PHLDB1: variants seen among roughly 807,000 people sequenced by gnomAD.
PHLDB1 encodes pleckstrin homology-like domain family B member 1.
Under a neutral mutation model 139.3 loss-of-function variants are expected in PHLDB1, and 65 were observed. That is an observed-to-expected ratio of 0.47 (90% CI 0.38 to 0.57). The LOEUF is 0.57. Among genes scored for constraint, PHLDB1 ranks in the 20% least tolerant of loss-of-function variants. PHLDB1 has a pLI of 0.00. For synonymous variants in PHLDB1, 679 were observed against 734.5 expected (o/e 0.92, Z 1.22); for missense variants, 1,624 against 1,839.7 (o/e 0.88, Z 2.14).
intron 5 of PHLDB1, chr11:118,627,048 T>G: frequency 3.8e-6 from 2 of 524,972 alleles, no homozygotes; most frequent in Non-Finnish European, 6.7e-6. Context: ...GTGCCTATCA[T>G]TGTTAACTGT....
chr11:118,645,375 G>A lies in PHLDB1; in HGVS notation c.3141G>A (p.Glu1047=). The change falls in exon 16 of 23, where the codon GAG becomes GAA. Residue 1047 remains glutamate, a synonymous_variant. Coordinates refer to ENST00000600882, the MANE Select transcript of PHLDB1 (RefSeq NM_001144758.3). The surrounding 1 kb of genome is among the most constrained non-coding windows in gnomAD (Gnocchi z 5.1). ...CTTCAGGACAACAAGTGATTGAAGA[G>A]CAGCGGCGGCGACTGGCTGAGCTGA... ...LQQKGQQVIE[E]QRRRLAELKQ... 1 of 1,519,938 alleles carries A rather than the reference G, an allele frequency of 6.6e-7. No individual in the cohort carries two copies. Among genetic ancestry groups the A allele is most frequent in the Non-Finnish European group, 8.8e-7 (1 of 1,133,988 alleles). 94.2% of individuals were successfully genotyped at this position (1,519,938 alleles called of 1,614,324 possible).
intron 17 of PHLDB1, chr11:118,647,163 G>C (rs1591745086): frequency 6.6e-6 from 1 of 152,274 alleles, no homozygotes; most frequent in African/African-American, 2.4e-5. Context: ...AATAGCAAAT[G>C]TTTCTAATTT....
At chr11:118,644,574 T>C in intron 15 of PHLDB1, 1 of 1,009,134 alleles carries the variant, frequency 9.9e-7, no homozygotes, top group Non-Finnish European at 1.3e-6. Context: ...TGAAAGCCCA[T>C]GTCTGTGCCT....
intron 4 of PHLDB1, chr11:118,624,525 T>C (rs1943458252): frequency 4.2e-6 from 1 of 235,694 alleles, no homozygotes; most frequent in South Asian, 4.9e-5. Context: ...AGCCTGCTAG[T>C]GCTGTGAGGT....
intron 5 of PHLDB1, among the ~76,000 whole-genome samples, chr11:118,625,642 T>G (rs1943727510): frequency 6.6e-6 from 1 of 152,190 alleles, no homozygotes; most frequent in Non-Finnish European, 1.5e-5. Context: ...ATTATGGGTT[T>G]ACCATCTCAG....
At chr11:118,639,138 G>C in intron 11 of PHLDB1, 24 bp from the exon 12 acceptor site, 2 of 1,611,068 alleles carry the variant, frequency 1.2e-6, no homozygotes, top group Non-Finnish European at 8.5e-7. Flanking sequence ...ACTCCTCTTT[G>C]ACTCTGCCAT....
At chr11:118,619,173 G>T (rs1270819498) in intron 4 of PHLDB1, among the ~76,000 whole-genome samples, 6 of 152,126 alleles carry the variant, frequency 3.9e-5, no homozygotes, top group Non-Finnish European at 8.8e-5. Flanking sequence ...AAAGATCTGG[G>T]AGGGAACCAA....
intron 10 of PHLDB1, among the ~76,000 whole-genome samples, chr11:118,636,463 C>G (rs1251532112): frequency 2.0e-5 from 3 of 152,130 alleles, no homozygotes; most frequent in Non-Finnish European, 2.9e-5. Flanking sequence ...AACGCACTTT[C>G]TGGATGTAAG....
chr11:118,650,517 C>T lies in PHLDB1; in HGVS notation c.3844C>T (p.Arg1282Trp), dbSNP rs782135174. ...SWKKRWFVFD[R>W]LKRTLSYYVD... is the part of the protein sequence containing the mutation. ...GAAGAAGCGCTGGTTTGTCTTCGACCGGCTCAAGCGCACCCTTTCCTATTA... is the reference window on the plus strand; with the variant it reads ...GAAGAAGCGCTGGTTTGTCTTCGACTGGCTCAAGCGCACCCTTTCCTATTA... Residue 1282 changes from arginine to tryptophan, a missense_variant, in exon 20 of 23, where the codon CGG becomes TGG. Physicochemically the swap from Arg to Trp is moderately radical, Grantham distance 101. Transcript: ENST00000600882. This position sits in a 1 kb window ranked among gnomAD's most constrained non-coding sequence, Gnocchi z 4.7. 9.3e-6 allele frequency: 15 copies of T among 1,613,794 alleles called. No individual in the cohort carries two copies. The highest frequency in any genetic ancestry group is 2.2e-5 in the South Asian group (2 of 91,084).
intron 12 of PHLDB1, chr11:118,639,978 A>G: frequency 2.0e-6 from 2 of 985,240 alleles, no homozygotes; most frequent in South Asian, 4.7e-5. Flanking sequence ...ACCTGCTTCC[A>G]CTCTTCTCTG....
Position 118,655,666 on chromosome 11 carries a change from C to T in PHLDB1, c.3936C>T (p.Tyr1312=), listed in dbSNP as rs781901332. ...IYFQAIEEVY[Y]DHLRSAAKKR... is the part of the protein sequence containing the mutation. ...TCCAGGCCATTGAGGAAGTGTACTA[C>T]GACCACCTGCGCAGTGCAGCCAAGG... Residue 1312 remains tyrosine (Y), a synonymous_variant, in exon 21 of 23, where the codon TAC becomes TAT. Coordinates refer to ENST00000600882, the MANE Select transcript of PHLDB1 (RefSeq NM_001144758.3). 3.0e-5 allele frequency: 49 copies of T among 1,612,504 alleles called. No homozygotes were observed. Among genetic ancestry groups the T allele is most frequent in the Non-Finnish European group, 3.7e-5 (44 of 1,178,810 alleles).
chr11:118,629,505 A>G (rs2136195004), intron 6 of PHLDB1, among the ~76,000 whole-genome samples: 1 of 152,362 alleles, frequency 6.6e-6, no homozygotes, highest in African/African-American at 2.4e-5. Context: ...CCTTACGAGC[A>G]GAACAGGGTT....
chr11:118,644,439 G>A (rs1015528005), intron 15 of PHLDB1: 2 of 513,356 alleles, frequency 3.9e-6, no homozygotes, highest in Non-Finnish European at 7.1e-6. Flanking sequence ...GTTGACCTGA[G>A]TCGGGTTAGA....
chr11:118,636,107 C>T lies in PHLDB1; in HGVS notation c.2535+559C>T, dbSNP rs1286261665. ...CCTGCTCTTGATCTCAGCCAGACCA[C>T]AGGATGGTGGCACAGGTGACTGTGT... On this transcript the variant is annotated intron_variant, in intron 10 of 22. Coordinates refer to ENST00000600882, the MANE Select transcript of PHLDB1 (RefSeq NM_001144758.3). 3.3e-5 allele frequency among the ~76,000 whole-genome samples: 5 copies of T among 152,154 alleles called. No homozygotes were observed. In the South Asian group the frequency reaches 8.3e-4, roughly 25 times the overall value.
At position 118,628,347 on chromosome 11, in the gene PHLDB1, G is replaced by T. The variant is rs367868843; in HGVS notation, c.1524G>T (p.Thr508=). ...HGASPEDFSL[T]LGARGRRTRS... is the part of the protein sequence containing the mutation. The stretch of plus-strand genomic sequence containing the variant: ...CTTCACCAGAGGACTTCTCCCTGAC[G>T]CTGGGGGCACGGGGCCGTAGGACAC... Residue 508 remains threonine (T), a synonymous_variant, in exon 6 of 23, where the codon ACG becomes ACT. Transcript: ENST00000600882. 1 of 1,612,092 alleles carries T rather than the reference G, an allele frequency of 6.2e-7. No individual in the cohort carries two copies. Among genetic ancestry groups the T allele is most frequent in the Non-Finnish European group, 8.5e-7 (1 of 1,179,204 alleles).
At chr11:118,614,436 C>A in intron 2 of PHLDB1, 123 bp from the exon 3 acceptor site, 1 of 1,044,850 alleles carries the variant, frequency 9.6e-7, no homozygotes, top group Non-Finnish European at 1.4e-6. Context: ...TGTGCTAAGC[C>A]TTTCAGCACC....
In PHLDB1 at chr11:118,631,195, C is replaced by T. The variant is rs1565444145; in HGVS notation, c.1828-12C>T. On this transcript the variant is annotated splice_polypyrimidine_tract_variant and intron_variant, in intron 6 of 22. Transcript: ENST00000600882. ...CCTCCCCTTCATGTCCTGCTCTGTC[C>T]ATCCTCCCCAGGAACGCCAGCGCCT... is the stretch of plus-strand genomic sequence containing the variant. The T allele has an allele frequency of 7.0e-7, 1 of 1,420,360 alleles. No individual in the cohort carries two copies. The highest frequency in any genetic ancestry group is 9.2e-7 in the Non-Finnish European group (1 of 1,082,656). The allele number at this position is 1,420,360 out of a possible 1,614,324, so 88.0% of individuals were successfully genotyped here.
chr11:118,622,954 G>C (rs552996247), intron 4 of PHLDB1, among the ~76,000 whole-genome samples: 1 of 152,246 alleles, frequency 6.6e-6, no homozygotes, highest in East Asian at 1.9e-4. Context: ...TGTATGCCAG[G>C]ATAGTGAGTG....
intron 5 of PHLDB1, 104 bp downstream of exon 5, chr11:118,625,163 C>A: frequency 7.3e-7 from 1 of 1,363,838 alleles, no homozygotes; most frequent in Non-Finnish European, 9.8e-7. Context: ...AAGACAATAC[C>A]TAAGGTCTGG....
Sources: allele counts gnomAD v4.1 joint callset (sites outside exome capture counted in the v4.1 genomes callset), GRCh38; gene constraint gnomAD v4.1.1; non-coding constraint Gnocchi (gnomAD v3.1); transcripts MANE v1.5; gene names NCBI Gene and HGNC (gene_info 2026-07-23, HGNC 2026-07-21).